The following PTP4A3 variants were observed in gnomAD, a reference collection of about 807,000 sequenced individuals.
PTP4A3 encodes the protein protein tyrosine phosphatase 4A3.
A neutral mutation model predicts 15.2 loss-of-function variants in PTP4A3; 9 were observed. The ratio of observed to expected loss-of-function variants is 0.59; its 90% CI spans 0.36 to 1.03. The LOEUF (loss-of-function observed/expected upper bound fraction) is 1.03. Among genes scored for constraint, PTP4A3 ranks in the 50% least tolerant of loss-of-function variants. The pLI is 0.02. For synonymous variants in PTP4A3, 95 were observed against 102.0 expected (o/e 0.93, Z 0.41); for missense variants, 234 against 252.1 (o/e 0.93, Z 0.49).
intron 1 of PTP4A3, among the ~76,000 whole-genome samples, chr8:141,420,890 G>A (rs542076865): frequency 4.9e-5 from 3 of 61,668 alleles, no homozygotes; most frequent in East Asian, 3.8e-4. Context: ...CCCATTCCCT[G>A]AGGATGGGCC....
Position 141,427,100 on chromosome 8 carries a change from T to C in PTP4A3, c.329+31T>C, listed in dbSNP as rs773848978. 9 of 1,586,310 alleles carry C rather than the reference T, an allele frequency of 5.7e-6. No individual in the cohort carries two copies. In the Admixed American group the frequency reaches 1.4e-4, roughly 24 times the overall value. ...TGTCGGGGCGGGGTAGGGCTCGCCA[T>C]GTCAGGTGGTTGGGCATCTCGTGGT... On this transcript the variant is annotated intron_variant, in intron 4 of 5. Transcript: ENST00000521578.
intron 1 of PTP4A3, among the ~76,000 whole-genome samples, chr8:141,404,527 T>G (rs1832679348): frequency 6.6e-6 from 1 of 152,352 alleles, no homozygotes; most frequent in South Asian, 2.1e-4. Flanking sequence ...TAAGCCTTTC[T>G]CCTCGTGAGC....
Position 141,421,917 on chromosome 8 carries a change from G to T in PTP4A3, c.-324G>T. On this transcript the variant is annotated 5_prime_UTR_variant, in exon 2 of 6. Transcript: ENST00000521578. ...TTTTTTGCCTCTTTATGACTATCCA[G>T]CTCTGAGAGACGGGAGTTTGGAGTT... 1 of 361,860 alleles carries T rather than the reference G, an allele frequency of 2.8e-6. No individual in the cohort carries two copies. The highest frequency in any genetic ancestry group is 5.0e-6 in the Non-Finnish European group (1 of 200,584). 22.4% of individuals were successfully genotyped at this position (361,860 alleles called of 1,614,324 possible).
In PTP4A3 at chr8:141,421,968, G is replaced by T. The variant is rs1286762466; in HGVS notation, c.-273G>T. The stretch of plus-strand genomic sequence containing the variant: ...GCCCGCTTTACTTTGGTTGGGTTGG[G>T]GGGGGCGGCGGGCTGTTTTGTTCCT... On this transcript the variant is annotated 5_prime_UTR_variant, in exon 2 of 6. Transcript: ENST00000521578. The T allele has an allele frequency of 1.6e-5, 7 of 432,170 alleles. No homozygotes were observed. Among genetic ancestry groups the T allele is most frequent in the South Asian group, 1.5e-4 (4 of 26,484 alleles). 26.8% of individuals were successfully genotyped at this position (432,170 alleles called of 1,614,324 possible).
Position 141,398,676 on chromosome 8 carries a change from T to C in PTP4A3, c.-854+6592T>C, listed in dbSNP as rs530768860. 2.7e-3 allele frequency among the ~76,000 whole-genome samples: 413 copies of C among 152,164 alleles called. 1 individual carries two copies. The highest frequency in any genetic ancestry group is 3.9e-3 in the Non-Finnish European group (263 of 67,964). ...CCTGAAGACCCCCGGATGAGGGTGCTCAGGGCCTGGCTGGGGAGACTCTTG... is the reference window on the plus strand; with the variant it reads ...CCTGAAGACCCCCGGATGAGGGTGCCCAGGGCCTGGCTGGGGAGACTCTTG... On this transcript the variant is annotated intron_variant, in intron 1 of 5. Coordinates refer to ENST00000521578, the MANE Select transcript of PTP4A3 (RefSeq NM_032611.3).
chr8:141,396,511 C>T (rs1563722416), intron 1 of PTP4A3, among the ~76,000 whole-genome samples: 1 of 152,200 alleles, frequency 6.6e-6, no homozygotes, highest in African/African-American at 2.4e-5. Context: ...ATTCCTCTCT[C>T]ACCGAGCCCA....
chr8:141,417,421 G>T (rs544739834), intron 1 of PTP4A3, among the ~76,000 whole-genome samples: 1 of 152,156 alleles, frequency 6.6e-6, no homozygotes, highest in Admixed American at 6.5e-5. Context: ...TGGGCAGGGG[G>T]TCTGAACTGG....
intron 1 of PTP4A3, among the ~76,000 whole-genome samples, chr8:141,402,543 T>G (rs1241586542): frequency 6.6e-6 from 1 of 152,168 alleles, no homozygotes; most frequent in Non-Finnish European, 1.5e-5. Context: ...CGTGGGGCCT[T>G]GCGCCCTGTG....
chr8:141,417,723 A>T (rs891708306), intron 1 of PTP4A3, among the ~76,000 whole-genome samples: 1 of 151,916 alleles, frequency 6.6e-6, no homozygotes, highest in Admixed American at 6.5e-5. Flanking sequence ...CGCGCCCCGC[A>T]CTTCCCTTTC....
intron 1 of PTP4A3, among the ~76,000 whole-genome samples, chr8:141,404,646 C>G (rs773399977): frequency 6.6e-6 from 1 of 152,254 alleles, no homozygotes; most frequent in Non-Finnish European, 1.5e-5. Context: ...ATGGACGGGT[C>G]CTTGGGAGGT....
intron 1 of PTP4A3, among the ~76,000 whole-genome samples, chr8:141,414,735 A>G (rs1361275886): frequency 1.3e-5 from 2 of 151,470 alleles, no homozygotes; most frequent in South Asian, 4.2e-4. Flanking sequence ...GGGAGCAGGG[A>G]TAAGGGTGGA....
chr8:141,413,608 G>A (rs750785717), intron 1 of PTP4A3, among the ~76,000 whole-genome samples: 3 of 152,224 alleles, frequency 2.0e-5, no homozygotes, highest in Admixed American at 1.3e-4. Context: ...GGTTAGGGCC[G>A]TCAGAACACG....
At chr8:141,422,492 A>ACAGGATC in intron 2 of PTP4A3, 147 bp downstream of exon 2, 1 of 861,918 alleles carries the variant, frequency 1.2e-6, no homozygotes, top group South Asian at 1.6e-5. Flanking sequence ...GTCGCCTGTT[A>ACAGGATC]CAGGATCCTG....
intron 1 of PTP4A3, among the ~76,000 whole-genome samples, chr8:141,412,630 A>G (rs1393631330): frequency 2.6e-5 from 4 of 152,176 alleles, no homozygotes; most frequent in Admixed American, 2.0e-4. Context: ...AGGCAGGCAC[A>G]TGGAATTCAG....
At chr8:141,416,796 C>T (rs1292581408) in intron 1 of PTP4A3, among the ~76,000 whole-genome samples, 2 of 151,932 alleles carry the variant, frequency 1.3e-5, no homozygotes, top group Non-Finnish European at 2.9e-5. Context: ...GTTGCCGGCA[C>T]AGCTGGGCCA....
At chr8:141,417,544 G>A (rs1833105777) in intron 1 of PTP4A3, among the ~76,000 whole-genome samples, 1 of 152,118 alleles carries the variant, frequency 6.6e-6, no homozygotes, top group South Asian at 2.1e-4. Flanking sequence ...CCAGGAGCGC[G>A]GCCCGGCGGC....
In PTP4A3 at chr8:141,426,946, C is replaced by G. The variant is rs752190427; in HGVS notation, c.206C>G (p.Pro69Arg). The change falls in exon 4 of 6, where the codon CCG (proline) becomes CGG (arginine). Residue 69 changes from proline to arginine, a missense_variant. Physicochemically the swap from Pro to Arg is moderately radical, Grantham distance 103 (BLOSUM62 -2). Coordinates refer to ENST00000521578, the MANE Select transcript of PTP4A3 (RefSeq NM_032611.3). ...GTCTGCTTCCCTCCGTAGGACTGGCCGTTTGACGATGGGGCGCCCCCGCCC... is the reference window on the plus strand; with the variant it reads ...GTCTGCTTCCCTCCGTAGGACTGGCGGTTTGACGATGGGGCGCCCCCGCCC... Reference protein sequence around the residue: ...EKDGITVVDWPFDDGAPPPGK... With the variant: ...EKDGITVVDWRFDDGAPPPGK... 1 of 1,611,258 alleles carries G rather than the reference C, an allele frequency of 6.2e-7. No individual in the cohort carries two copies. The highest frequency in any genetic ancestry group is 8.5e-7 in the Non-Finnish European group (1 of 1,179,822).
intron 1 of PTP4A3, among the ~76,000 whole-genome samples, chr8:141,401,055 C>CT (rs1266591412): frequency 2.0e-5 from 3 of 152,068 alleles, no homozygotes; most frequent in African/African-American, 7.3e-5. Context: ...GACGGAACGG[C>CT]ATCACTCTTA....
At chr8:141,411,089 T>A (rs1161520444) in intron 1 of PTP4A3, among the ~76,000 whole-genome samples, 1 of 152,126 alleles carries the variant, frequency 6.6e-6, no homozygotes, top group Non-Finnish European at 1.5e-5. Flanking sequence ...GACCTGTGTG[T>A]GCCTAGCAGC....
Sources: gnomAD v4.1 joint callset for allele counts (sites outside exome capture counted in the v4.1 genomes callset) on GRCh38, gnomAD v4.1.1 for gene constraint, MANE v1.5 for transcripts, NCBI Gene and HGNC (gene_info 2026-07-23, HGNC 2026-07-21) for gene names.